The following PTPRF variants were observed in gnomAD, a reference collection of about 807,000 sequenced individuals.
PTPRF encodes the protein protein tyrosine phosphatase receptor type F.
Under a neutral mutation model 201.8 loss-of-function variants are expected in PTPRF, and 59 were observed. The ratio of observed to expected loss-of-function variants is 0.29; its 90% CI spans 0.24 to 0.36. The LOEUF (loss-of-function observed/expected upper bound fraction) is 0.36. Among genes scored for constraint, PTPRF ranks in the 10% least tolerant of loss-of-function variants. The pLI is 1.00. For synonymous variants in PTPRF, 1,088 were observed against 1,089.7 expected (o/e 1.00, Z 0.03); for missense variants, 2,132 against 2,690.5 (o/e 0.79, Z 4.59).
At chr1:43,524,681 T>G (rs1334262912), upstream of PTPRF, among the ~76,000 whole-genome samples, 1 of 152,000 alleles carries the variant, frequency 6.6e-6, no homozygotes, top group African/African-American at 2.4e-5. Flanking sequence ...GCAGAGACAC[T>G]GGCCTGAGAG....
In PTPRF at chr1:43,546,705, C is replaced by T. The variant is rs1253927856; in HGVS notation, c.91+1539C>T. Reference sequence around the variant, plus strand: ...CCTCCTCCTCCTGCCTCAGACCCAACGCGCCCCAACCTGTACCCCTCACTC... The same window carrying T: ...CCTCCTCCTCCTGCCTCAGACCCAATGCGCCCCAACCTGTACCCCTCACTC... On this transcript the variant is annotated intron_variant, in intron 3 of 33. Transcript: ENST00000359947. This position sits in a 1 kb window ranked among gnomAD's most constrained non-coding sequence, Gnocchi z 4.2. Among the ~76,000 whole-genome samples, 1 of 152,042 alleles carries T rather than the reference C, an allele frequency of 6.6e-6. No homozygotes were observed. The highest frequency in any genetic ancestry group is 2.4e-5 in the African/African-American group (1 of 41,378).
chr1:43,604,107 C>T lies in PTPRF; in HGVS notation c.2955C>T (p.Asp985=). The T allele has an allele frequency of 3.1e-6, 5 of 1,614,220 alleles. No individual in the cohort carries two copies. The highest frequency in any genetic ancestry group is 1.1e-5 in the South Asian group (1 of 91,086). The change falls in exon 16 of 34, where the codon GAC becomes GAT. Residue 985 remains aspartate (D), a synonymous_variant. Coordinates refer to ENST00000359947, the MANE Select transcript of PTPRF (RefSeq NM_002840.5). The stretch of plus-strand genomic sequence containing the variant: ...GCCTCAAGCCAGACACCACTTACGA[C>T]ATCAAGGTCCGCGCATGGACCAGCA... ...LTGLKPDTTY[D]IKVRAWTSKG... is the part of the protein sequence containing the mutation.
At chr1:43,543,036 C>T (rs750926878) in intron 2 of PTPRF, among the ~76,000 whole-genome samples, 13 of 152,140 alleles carry the variant, frequency 8.5e-5, no homozygotes, top group South Asian at 2.1e-4. Context: ...GATGCCGGTA[C>T]GAGGCCACTG....
In PTPRF at chr1:43,597,730, C is replaced by G. The variant is rs777245105; in HGVS notation, c.1814-18C>G. ...CCACCCTCCATCTGCTTGCTTCCCC[C>G]CCATTTGTCTTCCCCAGCCCCCTCC... On this transcript the variant is annotated intron_variant, in intron 11 of 33. Coordinates refer to ENST00000359947, the MANE Select transcript of PTPRF (RefSeq NM_002840.5). The G allele has an allele frequency of 2.7e-5, 38 of 1,426,248 alleles. No homozygotes were observed. The highest frequency in any genetic ancestry group is 2.4e-4 in the Admixed American group (12 of 50,744). 88.3% of individuals were successfully genotyped at this position (1,426,248 alleles called of 1,614,324 possible).
At chr1:43,531,491 G>T (rs1392157568) in intron 1 of PTPRF, among the ~76,000 whole-genome samples, 6 of 132,320 alleles carry the variant, frequency 4.5e-5, no homozygotes, top group African/African-American at 1.1e-4. Flanking sequence ...GACGCGCTCC[G>T]GGGGCGGCCC....
At chr1:43,620,052 G>A (rs1487105359) in intron 29 of PTPRF, 43 bp from the exon 30 acceptor site, 1 of 1,611,894 alleles carries the variant, frequency 6.2e-7, no homozygotes, top group Admixed American at 1.7e-5. Flanking sequence ...AGACTCTAGG[G>A]GCAGCAGCAC....
chr1:43,580,465 TGGG>T (rs1647299000), intron 7 of PTPRF, among the ~76,000 whole-genome samples: 1 of 152,188 alleles, frequency 6.6e-6, no homozygotes, highest in Non-Finnish European at 1.5e-5. Context: ...TCATGAGAGT[TGGG>T]GGCATGGGAT....
Position 43,620,721 on chromosome 1 carries a change from G to C in PTPRF, c.5365-117G>C, listed in dbSNP as rs1659016288. ...GGGTGTGAGCACATCTCCCCCTGTG[G>C]CCTCGGGTGCAGTGACACAGATGCA... On this transcript the variant is annotated intron_variant, in intron 31 of 33. Coordinates refer to ENST00000359947, the MANE Select transcript of PTPRF (RefSeq NM_002840.5). The C allele has an allele frequency of 3.3e-6, 5 of 1,520,460 alleles. No individual in the cohort carries two copies. In the East Asian group the frequency reaches 1.1e-4, roughly 34 times the overall value. The allele number at this position is 1,520,460 out of a possible 1,614,324, so 94.2% of individuals were successfully genotyped here.
rs1265635370 is a variant in PTPRF at position 43,604,077 on chromosome 1, T to C, written c.2925T>C (p.Leu975=). ...TCACGACAGACACCCGCTTTACCCT[T>C]ACTGGCCTCAAGCCAGACACCACTT... The part of the protein sequence containing the change: ...QNITTDTRFT[L]TGLKPDTTYD... The change falls in exon 16 of 34, where the codon CTT becomes CTC. Residue 975 remains leucine (L), a synonymous_variant. Transcript: ENST00000359947. 7 of 1,614,176 alleles carry C rather than the reference T, an allele frequency of 4.3e-6. No individual in the cohort carries two copies. Among genetic ancestry groups the C allele is most frequent in the East Asian group, 2.2e-5 (1 of 44,890 alleles).
chr1:43,597,728 C>A lies in PTPRF; in HGVS notation c.1814-20C>A. 3 of 1,406,380 alleles carry A rather than the reference C, an allele frequency of 2.1e-6. No individual in the cohort carries two copies. The highest frequency in any genetic ancestry group is 3.0e-6 in the Non-Finnish European group (3 of 1,016,816). 87.1% of individuals were successfully genotyped at this position (1,406,380 alleles called of 1,614,324 possible). A position where few individuals can be genotyped will look rare whatever the true frequency, so the allele number is the denominator to read the frequency against. On this transcript the variant is annotated intron_variant, in intron 11 of 33. Coordinates refer to ENST00000359947, the MANE Select transcript of PTPRF (RefSeq NM_002840.5). ...CCCCACCCTCCATCTGCTTGCTTCC[C>A]CCCCATTTGTCTTCCCCAGCCCCCT...
rs762534705 is a variant in PTPRF at position 43,578,826 on chromosome 1, G to A, written c.585G>A (p.Glu195=). Residue 195 remains glutamate, a synonymous_variant, in exon 7 of 34, where the codon GAG becomes GAA. Coordinates refer to ENST00000359947, the MANE Select transcript of PTPRF (RefSeq NM_002840.5). ...KQLRSGALQI[E]SSEESDQGKY... ...TACCCACAGGTGCCTTGCAGATAGA[G>A]AGCAGTGAGGAATCCGACCAAGGCA... 3.7e-6 allele frequency: 6 copies of A among 1,613,976 alleles called. No individual in the cohort carries two copies. In the Admixed American group the frequency reaches 5.0e-5, roughly 13 times the overall value.
intron 2 of PTPRF, among the ~76,000 whole-genome samples, chr1:43,543,137 C>T (rs1299946043): frequency 6.6e-6 from 1 of 152,146 alleles, no homozygotes; most frequent in African/African-American, 2.4e-5. Context: ...GGGACCATAC[C>T]CCCATGATGA....
chr1:43,612,646 C>T, intron 22 of PTPRF: 1 of 850,788 alleles, frequency 1.2e-6, no homozygotes, highest in South Asian at 1.4e-5. Flanking sequence ...TCCGCCAGCC[C>T]CTCGCAAGCC....
At chr1:43,606,557 G>A (rs1308307320) in intron 20 of PTPRF, 99 bp downstream of exon 20, 2 of 1,254,296 alleles carry the variant, frequency 1.6e-6, no homozygotes, top group Admixed American at 2.2e-5. Flanking sequence ...GTCTTTATCA[G>A]TTTGGGGGCT....
At chr1:43,605,029 T>A (rs571056064) in intron 17 of PTPRF, 29 bp downstream of exon 17, 1 of 1,606,194 alleles carries the variant, frequency 6.2e-7, no homozygotes, top group Non-Finnish European at 8.5e-7. Context: ...CAGCTGAGCC[T>A]GGCACACACA....
chr1:43,597,436 G>A (rs754030958), intron 11 of PTPRF, among the ~76,000 whole-genome samples: 2 of 152,162 alleles, frequency 1.3e-5, no homozygotes, highest in African/African-American at 2.4e-5. Flanking sequence ...GTGTGACTGT[G>A]TGAGACGTGT....
At chr1:43,550,948 C>T (rs1644992654) in intron 3 of PTPRF, among the ~76,000 whole-genome samples, 1 of 152,216 alleles carries the variant, frequency 6.6e-6, no homozygotes, top group East Asian at 1.9e-4. Context: ...CATGACGTTG[C>T]TCTTTAGAGG....
At chr1:43,563,653 GC>G (rs1427817809) in intron 5 of PTPRF, among the ~76,000 whole-genome samples, 1 of 152,226 alleles carries the variant, frequency 6.6e-6, no homozygotes, top group African/African-American at 2.4e-5. Flanking sequence ...CTGCCGAGAG[GC>G]CCGGCATGTG....
intron 6 of PTPRF, 152 bp from the exon 7 acceptor site, chr1:43,578,658 C>T (rs1196415786): frequency 3.5e-5 from 22 of 627,536 alleles, no homozygotes; most frequent in Non-Finnish European, 3.7e-5. Flanking sequence ...TCAGGGAGAG[C>T]TTCCTGGAAG....
Sources: gnomAD v4.1 joint callset for allele counts (sites outside exome capture counted in the v4.1 genomes callset) on GRCh38, gnomAD v4.1.1 for gene constraint, Gnocchi (gnomAD v3.1) non-coding constraint, MANE v1.5 for transcripts, NCBI Gene and HGNC (gene_info 2026-07-23, HGNC 2026-07-21) for gene names.